Variants in CACNA2D3 observed in about 807,000 individuals in gnomAD.
The protein encoded by CACNA2D3 is calcium voltage-gated channel auxiliary subunit alpha2delta 3.
CACNA2D3 carries 60 observed loss-of-function variants against 160.6 expected under a neutral mutation model. The ratio of observed to expected loss-of-function variants is 0.37; its 90% confidence interval spans 0.30 to 0.46. The LOEUF (loss-of-function observed/expected upper bound fraction) is 0.46. CACNA2D3 is among the 20% of genes least tolerant of loss of function. The probability of loss-of-function intolerance (pLI) is 1.00; values close to 1 mark genes in which losing one functional copy is unlikely to be tolerated. For missense variants in CACNA2D3, 1,205 were observed against 1,365.0 expected (o/e 0.88, Z 1.85); for synonymous variants, 558 against 492.9 (o/e 1.13, Z -1.75).
At position 54,918,651 on chromosome 3, in the gene CACNA2D3, C is replaced by A. The variant is rs147753980; in HGVS notation, c.2449+18783C>A. 1,440 of 1,614,180 alleles carry A rather than the reference C, an allele frequency of 8.9e-4. 4 individuals are homozygous for A. The highest frequency in any genetic ancestry group is 1.1e-3 in the Non-Finnish European group (1,295 of 1,180,030). Reference sequence around the variant, plus strand: ...TGATGACAGTGGCAATGGCATGACGCAGGTTGGCCGGCCTTGGCTTGGGTT... The same window carrying A: ...TGATGACAGTGGCAATGGCATGACGAAGGTTGGCCGGCCTTGGCTTGGGTT... On this transcript the variant is annotated intron_variant, in intron 27 of 37. Transcript: ENST00000474759.
intron 27 of CACNA2D3, among the ~76,000 whole-genome samples, chr3:54,907,814 G>C (rs952797744): frequency 1.3e-5 from 2 of 152,090 alleles, no homozygotes; most frequent in African/African-American, 4.8e-5. Context: ...CAGATAAATG[G>C]AATCATGTAA....
At chr3:54,628,262 C>T (rs1699165607) in intron 10 of CACNA2D3, among the ~76,000 whole-genome samples, 1 of 152,162 alleles carries the variant, frequency 6.6e-6, no homozygotes, top group South Asian at 2.1e-4. Context: ...TGTGGGCCAG[C>T]TCTGGCTGAC....
At chr3:54,580,453 G>C (rs1018241160) in intron 8 of CACNA2D3, among the ~76,000 whole-genome samples, 1 of 151,992 alleles carries the variant, frequency 6.6e-6, no homozygotes, top group African/African-American at 2.4e-5. Context: ...AGCCCTGCCT[G>C]GTCCTCGCTG....
chr3:54,846,201 C>T (rs1698928382), intron 16 of CACNA2D3, among the ~76,000 whole-genome samples, 192 bp from the exon 17 acceptor site: 1 of 152,172 alleles, frequency 6.6e-6, no homozygotes, highest in African/African-American at 2.4e-5. Flanking sequence ...TGAGCTTATC[C>T]TCTGACAGGT....
At chr3:54,429,733 T>G (rs1699961287) in intron 4 of CACNA2D3, among the ~76,000 whole-genome samples, 1 of 152,194 alleles carries the variant, frequency 6.6e-6, no homozygotes, top group African/African-American at 2.4e-5. Flanking sequence ...CCCCCTAAAA[T>G]GTGAAGTACT....
At chr3:54,146,245 G>C (rs999615054) in intron 2 of CACNA2D3, among the ~76,000 whole-genome samples, 1 of 152,136 alleles carries the variant, frequency 6.6e-6, no homozygotes, top group African/African-American at 2.4e-5. Context: ...GCTGGTCCCT[G>C]GGTGTAACTG....
chr3:54,671,469 G>C (rs559988522), intron 11 of CACNA2D3, among the ~76,000 whole-genome samples: 2 of 152,252 alleles, frequency 1.3e-5, no homozygotes, highest in East Asian at 1.9e-4. Flanking sequence ...TCACTTTGCT[G>C]TTGGGAAGGC....
At chr3:54,326,566 A>G (rs923359205) in intron 3 of CACNA2D3, among the ~76,000 whole-genome samples, 1 of 152,256 alleles carries the variant, frequency 6.6e-6, no homozygotes, top group Non-Finnish European at 1.5e-5. Flanking sequence ...GCATACTTTC[A>G]AAAGGATTAC....
chr3:54,209,819 G>T (rs969437977), intron 2 of CACNA2D3, among the ~76,000 whole-genome samples: 3 of 152,168 alleles, frequency 2.0e-5, no homozygotes, highest in Non-Finnish European at 2.9e-5. Flanking sequence ...TTATTTTGCT[G>T]TATAAATTTT....
intron 2 of CACNA2D3, among the ~76,000 whole-genome samples, chr3:54,232,963 A>G (rs886549335): frequency 3.3e-5 from 5 of 152,202 alleles, no homozygotes; most frequent in African/African-American, 1.2e-4. Flanking sequence ...AGGAGTTGTC[A>G]GTCTACTGCG....
chr3:54,449,949 G>A (rs753350273), intron 4 of CACNA2D3, among the ~76,000 whole-genome samples: 5 of 152,062 alleles, frequency 3.3e-5, no homozygotes, highest in Non-Finnish European at 5.9e-5. Context: ...TATTTGTCCC[G>A]TCTTTTGGAT....
intron 5 of CACNA2D3, among the ~76,000 whole-genome samples, chr3:54,545,219 C>T (rs1702042577): frequency 6.6e-6 from 1 of 152,186 alleles, no homozygotes; most frequent in African/African-American, 2.4e-5. Flanking sequence ...AAAGTTTGAA[C>T]TACTCAAAAT....
At chr3:54,256,880 G>A (rs1341114690) in intron 2 of CACNA2D3, among the ~76,000 whole-genome samples, 1 of 152,112 alleles carries the variant, frequency 6.6e-6, no homozygotes, top group East Asian at 1.9e-4. Flanking sequence ...TGATTAACAG[G>A]ATACAATAGA....
intron 4 of CACNA2D3, among the ~76,000 whole-genome samples, chr3:54,462,785 A>T (rs1700532023): frequency 6.6e-6 from 1 of 151,756 alleles, no homozygotes; most frequent in Non-Finnish European, 1.5e-5. Context: ...ATTTAAAGTT[A>T]ATATTGTTGT....
chr3:54,786,111 C>T (rs933607883), intron 13 of CACNA2D3, among the ~76,000 whole-genome samples: 2 of 152,204 alleles, frequency 1.3e-5, no homozygotes, highest in Admixed American at 6.5e-5. Flanking sequence ...TAGAAAGGGA[C>T]CACCTATTAC....
At chr3:54,251,194 A>G (rs1045111539) in intron 2 of CACNA2D3, among the ~76,000 whole-genome samples, 1 of 152,058 alleles carries the variant, frequency 6.6e-6, no homozygotes, top group Admixed American at 6.6e-5. Context: ...CAGTGTTTTG[A>G]AAAGAGGGAT....
intron 29 of CACNA2D3, 45 bp downstream of exon 29, chr3:54,969,889 G>T: frequency 6.5e-7 from 1 of 1,534,296 alleles, no homozygotes; most frequent in Non-Finnish European, 9.0e-7. Flanking sequence ...TGGATAGAAG[G>T]TGACAGATGG....
chr3:54,344,917 CA>C lies in CACNA2D3; in HGVS notation c.321+24363del, dbSNP rs1348923184. ...AACAGGTTACAGTAAAGGAGCCAGC[CA>C]AAACCCACCAAAACCAAAATGGCCA... is the stretch of plus-strand genomic sequence containing the variant. On this transcript the variant is annotated intron_variant, in intron 3 of 37. Transcript: ENST00000474759. Among the ~76,000 whole-genome samples the C allele has an allele frequency of 5.6e-4, 85 of 152,268 alleles. 1 individual carries two copies. Among genetic ancestry groups the C allele is most frequent in the African/African-American group, 2.0e-3 (82 of 41,556 alleles).
intron 8 of CACNA2D3, among the ~76,000 whole-genome samples, chr3:54,571,610 C>A (rs967668218): frequency 1.6e-5 from 2 of 127,516 alleles, no homozygotes; most frequent in Non-Finnish European, 3.2e-5. Flanking sequence ...AGCACTTAAC[C>A]AAGTGTGTGT....
Sources: allele counts gnomAD v4.1 joint callset (sites outside exome capture counted in the v4.1 genomes callset), GRCh38; gene constraint gnomAD v4.1.1; transcripts MANE v1.5; gene names NCBI Gene and HGNC (gene_info 2026-07-23, HGNC 2026-07-21).